Variants in SYNE1 observed in about 807,000 individuals in gnomAD.
SYNE1 encodes the protein nesprin-1.
Under a neutral mutation model 1,111.0 loss-of-function variants are expected in SYNE1, and 616 were observed. The ratio of observed to expected loss-of-function variants is 0.55; its 90% CI spans 0.52 to 0.59. The LOEUF is 0.59. SYNE1 is among the 20% of genes least tolerant of loss of function. The pLI is 0.00. For synonymous variants in SYNE1, 3,855 were observed against 3,825.8 expected (o/e 1.01, Z -0.28); for missense variants, 10,006 against 10,417.0 (o/e 0.96, Z 1.72).
chr6:152,270,448 G>C (rs916865054), intron 98 of SYNE1, among the ~76,000 whole-genome samples: 2 of 152,168 alleles, frequency 1.3e-5, no homozygotes, highest in Admixed American at 1.3e-4. Flanking sequence ...CTTGGAGAAA[G>C]TCTGACTAAA....
intron 39 of SYNE1, among the ~76,000 whole-genome samples, chr6:152,424,408 C>A (rs2098319255): frequency 6.6e-6 from 1 of 152,208 alleles, no homozygotes; most frequent in Admixed American, 6.5e-5. Flanking sequence ...AGGCAAAGGG[C>A]AGCTACTGCT....
At chr6:152,344,428 C>G (rs775613813) in intron 73 of SYNE1, among the ~76,000 whole-genome samples, 17 of 152,136 alleles carry the variant, frequency 1.1e-4, no homozygotes, top group Non-Finnish European at 2.4e-4. Context: ...GATAACTTCT[C>G]GGACCACACA....
chr6:152,312,958 G>A (rs961192491), intron 87 of SYNE1, among the ~76,000 whole-genome samples: 1 of 152,104 alleles, frequency 6.6e-6, no homozygotes, highest in Non-Finnish European at 1.5e-5. Context: ...ATGAAAGCAA[G>A]TTTATTAAGA....
intron 140 of SYNE1, among the ~76,000 whole-genome samples, chr6:152,139,739 AAGAAAG>A (rs1348766848): frequency 2.7e-5 from 4 of 149,884 alleles, no homozygotes; most frequent in African/African-American, 9.9e-5. Context: ...GAAAGAAAGA[AAGAAAG>A]AAAGAAAAGA....
chr6:152,607,281 G>A (rs1456512998), intron 3 of SYNE1, among the ~76,000 whole-genome samples: 27 of 152,086 alleles, frequency 1.8e-4, no homozygotes, highest in Admixed American at 1.4e-3. Context: ...ACCACACCTG[G>A]CCGAATGTCC....
chr6:152,213,536 C>T lies in SYNE1; in HGVS notation c.22494+76G>A, dbSNP rs531166406. The T allele has an allele frequency of 9.9e-6, 15 of 1,519,196 alleles. No individual in the cohort carries two copies. In the East Asian group the frequency reaches 3.2e-4, roughly 32 times the overall value. 94.1% of individuals were successfully genotyped at this position (1,519,196 alleles called of 1,614,324 possible). A position where few individuals can be genotyped will look rare whatever the true frequency, so the allele number is the denominator to read the frequency against. On this transcript the variant is annotated intron_variant, in intron 123 of 145. Transcript: ENST00000367255. The stretch of plus-strand genomic sequence containing the variant: ...GTGCAAAGGGCATGATTTTAATTCT[C>T]CCACACAGCATTTCGTAGCATCTTC...
At chr6:152,196,519 C>T (rs1267957336) in intron 127 of SYNE1, among the ~76,000 whole-genome samples, 2 of 151,892 alleles carry the variant, frequency 1.3e-5, no homozygotes, top group African/African-American at 4.8e-5. Flanking sequence ...AGGACTAGGT[C>T]CTTCCCTTCA....
intron 14 of SYNE1, among the ~76,000 whole-genome samples, chr6:152,476,337 C>A (rs1037816941): frequency 6.6e-6 from 1 of 152,120 alleles, no homozygotes; most frequent in Non-Finnish European, 1.5e-5. Context: ...TTGCACAGCC[C>A]CCAAATCATA....
At chr6:152,372,990 CAAT>C (rs763193695) in intron 59 of SYNE1, 44 bp downstream of exon 59, 11 of 1,595,796 alleles carry the variant, frequency 6.9e-6, no homozygotes, top group Admixed American at 3.3e-5. Context: ...ACAACAACAA[CAAT>C]AACAAATAAC....
Position 152,301,869 on chromosome 6 carries a change from C to T in SYNE1, c.17541G>A (p.Met5847Ile). 6.2e-7 allele frequency: 1 copy of T among 1,610,512 alleles called. No homozygotes were observed. Among genetic ancestry groups the T allele is most frequent in the South Asian group, 1.1e-5 (1 of 90,960 alleles). ...CCGCGGGGACCCACTGGATCCTTAC[C>T]ATGACCACAGAGGGGTGGGCCGAAG... is the stretch of plus-strand genomic sequence containing the variant. ...PTPSAHPSVV[M>I]MTAGRCHTLL... The change falls in exon 92 of 146, where the codon ATG becomes ATA. Residue 5847 changes from methionine to isoleucine, a missense_variant and splice_region_variant. Met to Ile is a conservative substitution (Grantham distance 10, BLOSUM62 1). Transcript: ENST00000367255.
intron 3 of SYNE1, among the ~76,000 whole-genome samples, chr6:152,594,534 T>G (rs554796466): frequency 6.6e-6 from 1 of 152,370 alleles, no homozygotes; most frequent in South Asian, 2.1e-4. Flanking sequence ...TATGAAATCT[T>G]CAAGAAATTT....
intron 106 of SYNE1, among the ~76,000 whole-genome samples, chr6:152,243,474 A>G (rs1409362725): frequency 6.6e-6 from 1 of 152,242 alleles, no homozygotes; most frequent in Admixed American, 6.5e-5. Context: ...CCTGATTAAC[A>G]TATCACATTA....
intron 3 of SYNE1, among the ~76,000 whole-genome samples, chr6:152,604,500 T>C (rs2099605972): frequency 1.3e-5 from 2 of 152,028 alleles, no homozygotes; most frequent in South Asian, 4.1e-4. Context: ...GATAAGGTTT[T>C]GCCATGTTGC....
intron 124 of SYNE1, among the ~76,000 whole-genome samples, chr6:152,209,722 C>T (rs2077172947): frequency 6.6e-6 from 1 of 151,412 alleles, no homozygotes; most frequent in Non-Finnish European, 1.5e-5. Flanking sequence ...TTCACTCTAG[C>T]CTGAGCGAAA....
intron 3 of SYNE1, among the ~76,000 whole-genome samples, chr6:152,562,483 A>G (rs2099398173): frequency 6.6e-6 from 1 of 152,198 alleles, no homozygotes; most frequent in South Asian, 2.1e-4. Flanking sequence ...GGAAAACAGT[A>G]TGAAGATTTC....
intron 70 of SYNE1, among the ~76,000 whole-genome samples, chr6:152,351,237 C>A (rs2096735573): frequency 6.6e-6 from 1 of 152,152 alleles, no homozygotes; most frequent in Non-Finnish European, 1.5e-5. Context: ...AACTCAGTGG[C>A]CAGGAGGAAG....
At chr6:152,289,928 T>A (rs1036369920) in intron 95 of SYNE1, among the ~76,000 whole-genome samples, 1 of 118,952 alleles carries the variant, frequency 8.4e-6, no homozygotes, top group African/African-American at 3.9e-5. Context: ...GCCCAGCCTT[T>A]TTTTTTTTTT....
intron 3 of SYNE1, among the ~76,000 whole-genome samples, chr6:152,552,789 C>A (rs1269363600): frequency 6.6e-6 from 1 of 152,152 alleles, no homozygotes; most frequent in Non-Finnish European, 1.5e-5. Flanking sequence ...CCAGGTGGTG[C>A]TGTTGCTTTC....
chr6:152,271,383 C>G (rs576863697), intron 98 of SYNE1, among the ~76,000 whole-genome samples: 1 of 152,190 alleles, frequency 6.6e-6, no homozygotes, highest in Non-Finnish European at 1.5e-5. Context: ...CTGAGCCCAC[C>G]CGAGCTCAGA....
Sources: gnomAD v4.1 joint callset for allele counts (sites outside exome capture counted in the v4.1 genomes callset) on GRCh38, gnomAD v4.1.1 for gene constraint, MANE v1.5 for transcripts, NCBI Gene and HGNC (gene_info 2026-07-23, HGNC 2026-07-21) for gene names.